CYP4A11: variants seen among roughly 807,000 people sequenced by gnomAD.
CYP4A11 encodes cytochrome P450 4A11.
In CYP4A11, 52 loss-of-function variants were observed where a neutral mutation model predicts 57.7. The observed-to-expected ratio is 0.90, with a 90% confidence interval of 0.72 to 1.14. The LOEUF (loss-of-function observed/expected upper bound fraction) is 1.14, where lower values mean the gene tolerates loss of function less well. Ranked by LOEUF, CYP4A11 falls within the 50% of genes most tolerant of loss-of-function variation. The pLI, the probability that CYP4A11 is intolerant of heterozygous loss-of-function variation, is 0.00. For missense variants in CYP4A11, 641 were observed against 642.1 expected, an observed-to-expected ratio of 1.00 and a Z score of 0.02; for synonymous variants, 228 against 247.1, an observed-to-expected ratio of 0.92 and a Z score of 0.72.
intron 1 of CYP4A11, chr1:46,940,991 C>G: frequency 1.0e-6 from 1 of 985,316 alleles, no homozygotes; most frequent in Non-Finnish European, 1.2e-6. Flanking sequence ...TGCAGGACTG[C>G]CAAGACACAC....
intron 3 of CYP4A11, 56 bp from the exon 4 acceptor site, chr1:46,936,847 G>A: frequency 1.3e-6 from 2 of 1,543,662 alleles, no homozygotes; most frequent in Non-Finnish European, 1.8e-6. Context: ...GTGTGTGTCA[G>A]GGGCTGCAAG....
In CYP4A11 at chr1:46,930,169, G is replaced by A. The variant is rs1680926732; in HGVS notation, c.1506C>T (p.Ile502=). The A allele has an allele frequency of 6.2e-7, 1 of 1,613,956 alleles. No homozygotes were observed. The highest frequency in any genetic ancestry group is 1.7e-5 in the Admixed American group (1 of 59,986). The change falls in exon 12 of 12, where the codon ATC becomes ATT. Residue 502 remains isoleucine, a synonymous_variant. Coordinates refer to ENST00000310638, the MANE Select transcript of CYP4A11 (RefSeq NM_000778.4). ...ARLVLKSKNG[I]HLRLRRLPNP... is the part of the protein sequence containing the mutation. ...TAGGGAGCCTCCTGAGACGCAGGTGGATTCCATTTTTGGATTTCAACACAA... is the reference window on the plus strand; with the variant it reads ...TAGGGAGCCTCCTGAGACGCAGGTGAATTCCATTTTTGGATTTCAACACAA...
At position 46,941,372 on chromosome 1, in the gene CYP4A11, G is replaced by T; in HGVS notation, c.62C>A (p.Ala21Glu). ...CAGAAGCAGAATGAGCAGGGAGGCCGCTTGGAGGATTCCAGAGACATCACC... is the reference window on the plus strand; with the variant it reads ...CAGAAGCAGAATGAGCAGGGAGGCCTCTTGGAGGATTCCAGAGACATCACC... ...LLGDVSGILQ[A>E]ASLLILLLLL... The change falls in exon 1 of 12, where the codon GCG becomes GAG. Residue 21 changes from alanine (A) to glutamate (E), a missense_variant. Ala to Glu is a moderately radical substitution (Grantham distance 107). Coordinates refer to ENST00000310638, the MANE Select transcript of CYP4A11 (RefSeq NM_000778.4). 1 of 1,613,766 alleles carries T rather than the reference G, an allele frequency of 6.2e-7. No individual in the cohort carries two copies. Among genetic ancestry groups the T allele is most frequent in the Non-Finnish European group, 8.5e-7 (1 of 1,180,018 alleles).
At position 46,930,223 on chromosome 1, in the gene CYP4A11, G is replaced by C; in HGVS notation, c.1452C>G (p.Pro484=). 1 of 1,614,138 alleles carries C rather than the reference G, an allele frequency of 6.2e-7. No homozygotes were observed. Among genetic ancestry groups the C allele is most frequent in the Non-Finnish European group, 8.5e-7 (1 of 1,180,004 alleles). Residue 484 remains proline (P), a synonymous_variant, in exon 12 of 12, where the codon CCC becomes CCG. Coordinates refer to ENST00000310638, the MANE Select transcript of CYP4A11 (RefSeq NM_000778.4). ...TLLRFELLPD[P]TRIPIPIARL... is the part of the protein sequence containing the mutation. ...GTGCAATGGGGATGGGGATCCTGGT[G>C]GGATCAGGCAGCAGCTCAAAGCGGA...
Position 46,941,330 on chromosome 1 carries a change from A to G in CYP4A11, c.104T>C (p.Val35Ala), listed in dbSNP as rs149204978. ...CCACTGCCTGTGCAGGTAGAGCTGA[A>G]CTGCCTTGATCAGCAGCAGAAGCAG... ...LILLLLLIKA[V>A]QLYLHRQWLL... The change falls in exon 1 of 12, where the codon GTT becomes GCT. Residue 35 changes from valine to alanine, a missense_variant. By Grantham distance (64) the Val-to-Ala change is moderately conservative. Coordinates refer to ENST00000310638, the MANE Select transcript of CYP4A11 (RefSeq NM_000778.4). 6.2e-4 allele frequency: 997 copies of G among 1,613,962 alleles called. 7 individuals carry two copies. The African/African-American group carries it at 0.011, about 18-fold the overall frequency.
chr1:46,938,047 G>C lies in CYP4A11; in HGVS notation c.286C>G (p.Arg96Gly). 1 of 1,614,152 alleles carries C rather than the reference G, an allele frequency of 6.2e-7. No individual in the cohort carries two copies. ...TAGTCAGGGTCATAGAGCTGGACACGAACTTTGCCTCCCCATAGCCAATGA... is the reference window on the plus strand; with the variant it reads ...TAGTCAGGGTCATAGAGCTGGACACCAACTTTGCCTCCCCATAGCCAATGA... ...CPHWLWGGKV[R>G]VQLYDPDYMK... The change falls in exon 2 of 12, where the codon CGT becomes GGT. Residue 96 changes from arginine (R) to glycine (G), a missense_variant. Coordinates refer to ENST00000310638, the MANE Select transcript of CYP4A11 (RefSeq NM_000778.4).
In CYP4A11 at chr1:46,930,220, G is replaced by A. The variant is rs1473493860; in HGVS notation, c.1455C>T (p.Thr485=). The A allele has an allele frequency of 1.2e-6, 2 of 1,614,004 alleles. No homozygotes were observed. Among genetic ancestry groups the A allele is most frequent in the South Asian group, 1.1e-5 (1 of 91,072 alleles). The change falls in exon 12 of 12, where the codon ACC becomes ACT. Residue 485 remains threonine, a synonymous_variant. Coordinates refer to ENST00000310638, the MANE Select transcript of CYP4A11 (RefSeq NM_000778.4). ...GTCGTGCAATGGGGATGGGGATCCT[G>A]GTGGGATCAGGCAGCAGCTCAAAGC... The part of the protein sequence containing the change: ...LLRFELLPDP[T]RIPIPIARLV...
At position 46,941,470 on chromosome 1, in the gene CYP4A11, T is replaced by A. The variant is rs1290985443; in HGVS notation, c.-37A>T. 6.3e-7 allele frequency: 1 copy of A among 1,599,798 alleles called. No homozygotes were observed. Among genetic ancestry groups the A allele is most frequent in the African/African-American group, 1.3e-5 (1 of 74,692 alleles). ...TGCTGGATCTCTGAGTGCCCCTACC[T>A]CTCTCTGACCACCCCCGTCCCCCTG... On this transcript the variant is annotated 5_prime_UTR_variant, in exon 1 of 12. Coordinates refer to ENST00000310638, the MANE Select transcript of CYP4A11 (RefSeq NM_000778.4).
chr1:46,938,041 G>GGACAC lies in CYP4A11; in HGVS notation c.287_291dup (p.Gln98ValfsTer10). On this transcript the variant is annotated frameshift_variant, in exon 2 of 12. Coordinates refer to ENST00000310638, the MANE Select transcript of CYP4A11 (RefSeq NM_000778.4). LOFTEE classifies it high-confidence loss of function. Reference sequence around the variant, plus strand: ...TTCATATAGTCAGGGTCATAGAGCTGGACACGAACTTTGCCTCCCCATAGC... The same window carrying GGACAC: ...TTCATATAGTCAGGGTCATAGAGCTGGACACGACACGAACTTTGCCTCCCCATAGC... The GGACAC allele has an allele frequency of 6.2e-7, 1 of 1,614,160 alleles. No individual in the cohort carries two copies. Among genetic ancestry groups the GGACAC allele is most frequent in the African/African-American group, 1.3e-5 (1 of 75,040 alleles).
intron 1 of CYP4A11, among the ~76,000 whole-genome samples, chr1:46,938,733 A>C (rs527711257): frequency 6.6e-6 from 1 of 152,344 alleles, no homozygotes; most frequent in Non-Finnish European, 1.5e-5. Context: ...GTGTTGGACA[A>C]TAATTTTGAG....
rs201366365 is a variant in CYP4A11 at position 46,938,140 on chromosome 1, G to A, written c.196-3C>T. 6.2e-7 allele frequency: 1 copy of A among 1,614,196 alleles called. No homozygotes were observed. Among genetic ancestry groups the A allele is most frequent in the Non-Finnish European group, 8.5e-7 (1 of 1,180,012 alleles). Reference sequence around the variant, plus strand: ...TGTAGCTCCTGGTCCTGTTGGAGCTGTCAACAAGGGTAGACAGATGAACAC... The same window carrying A: ...TGTAGCTCCTGGTCCTGTTGGAGCTATCAACAAGGGTAGACAGATGAACAC... On this transcript the variant is annotated splice_polypyrimidine_tract_variant and splice_region_variant and intron_variant, in intron 1 of 11. Coordinates refer to ENST00000310638, the MANE Select transcript of CYP4A11 (RefSeq NM_000778.4).
intron 10 of CYP4A11, 29 bp downstream of exon 10, chr1:46,932,954 C>T (rs1347155111): frequency 1.9e-6 from 3 of 1,614,046 alleles, no homozygotes; most frequent in South Asian, 1.1e-5. Context: ...GAGGGATCAC[C>T]TCATTTCCTC....
chr1:46,938,106 T>G lies in CYP4A11; in HGVS notation c.227A>C (p.Gln76Pro). The change falls in exon 2 of 12, where the codon CAG (glutamine) becomes CCG (proline). Residue 76 changes from glutamine to proline, a missense_variant. Coordinates refer to ENST00000310638, the MANE Select transcript of CYP4A11 (RefSeq NM_000778.4). ...LQQDQELQRIQKWVETFPSAC... is the reference protein window; with the variant it reads ...LQQDQELQRIPKWVETFPSAC... ...ACTTGGGAATGTCTCCACCCATTTCTGAATCCGTTGTAGCTCCTGGTCCTG... is the reference window on the plus strand; with the variant it reads ...ACTTGGGAATGTCTCCACCCATTTCGGAATCCGTTGTAGCTCCTGGTCCTG... The G allele has an allele frequency of 6.2e-7, 1 of 1,614,246 alleles. No homozygotes were observed. Among genetic ancestry groups the G allele is most frequent in the African/African-American group, 1.3e-5 (1 of 75,072 alleles).
chr1:46,934,625 C>A lies in CYP4A11; in HGVS notation c.791-66G>T. 4.8e-6 allele frequency: 7 copies of A among 1,455,558 alleles called. No homozygotes were observed. In the South Asian group the frequency reaches 8.8e-5, roughly 18 times the overall value. The allele number at this position is 1,455,558 out of a possible 1,614,324, so 90.2% of individuals were successfully genotyped here. A position where few individuals can be genotyped will look rare whatever the true frequency, so the allele number is the denominator to read the frequency against. On this transcript the variant is annotated intron_variant, in intron 6 of 11. Transcript: ENST00000310638. ...CAGCAGCCCCCAGGAGGCCTAGCTGCCCAACTGCCCCAGTGTGGGTGCCTG... is the reference window on the plus strand; with the variant it reads ...CAGCAGCCCCCAGGAGGCCTAGCTGACCAACTGCCCCAGTGTGGGTGCCTG...
chr1:46,941,099 G>C lies in CYP4A11; in HGVS notation c.195+140C>G, dbSNP rs556035029. Reference sequence around the variant, plus strand: ...GCTCCTCATGACTGGGAAAAGCTGAGACCAGAGAGGTAGGCTGGGTGTTCC... The same window carrying C: ...GCTCCTCATGACTGGGAAAAGCTGACACCAGAGAGGTAGGCTGGGTGTTCC... On this transcript the variant is annotated intron_variant, in intron 1 of 11. Transcript: ENST00000310638. 19 of 1,422,638 alleles carry C rather than the reference G, an allele frequency of 1.3e-5. No homozygotes were observed. The South Asian group carries it at 2.7e-4, about 20-fold the overall frequency. 88.1% of individuals were successfully genotyped at this position (1,422,638 alleles called of 1,614,324 possible). A position where few individuals can be genotyped will look rare whatever the true frequency, so the allele number is the denominator to read the frequency against.
chr1:46,936,544 G>A (rs1349964249), intron 4 of CYP4A11, 120 bp downstream of exon 4: 2 of 1,406,174 alleles, frequency 1.4e-6, no homozygotes, highest in Admixed American at 5.7e-5. Flanking sequence ...GCAATGACCT[G>A]AGAGTGTTGT....
At position 46,933,883 on chromosome 1, in the gene CYP4A11, G is replaced by A. The variant is rs764787597; in HGVS notation, c.1222+63C>T. The A allele has an allele frequency of 4.6e-5, 74 of 1,596,618 alleles. No individual in the cohort carries two copies. In the Admixed American group the frequency reaches 7.2e-4, roughly 15 times the overall value. On this transcript the variant is annotated intron_variant, in intron 9 of 11. Coordinates refer to ENST00000310638, the MANE Select transcript of CYP4A11 (RefSeq NM_000778.4). ...TGTGCAGAATTCTGATGCACACATG[G>A]ATTTCTCACCCTCCACACGTCCCTG...
chr1:46,937,273 TGG>T, intron 3 of CYP4A11, 27 bp downstream of exon 3: 3 of 1,610,966 alleles, frequency 1.9e-6, no homozygotes, highest in Non-Finnish European at 1.7e-6. Flanking sequence ...GACTAGGGAG[TGG>T]GCTGCAGTCC....
intron 3 of CYP4A11, 104 bp from the exon 4 acceptor site, chr1:46,936,895 AG>A: frequency 1.4e-6 from 2 of 1,473,230 alleles, no homozygotes; most frequent in Non-Finnish European, 1.8e-6. Context: ...GGAGGGAGAA[AG>A]GTGGCTTCTC....
Sources: allele counts gnomAD v4.1 joint callset (sites outside exome capture counted in the v4.1 genomes callset), GRCh38; gene constraint gnomAD v4.1.1; transcripts MANE v1.5; gene names NCBI Gene and HGNC (gene_info 2026-07-23, HGNC 2026-07-21).